The following IGF1R variants were observed in gnomAD, a reference collection of about 807,000 sequenced individuals.
The protein encoded by IGF1R is insulin-like growth factor 1 receptor.
In IGF1R, 44 loss-of-function variants were observed where a neutral mutation model predicts 144.6. The observed-to-expected ratio is 0.30, with a 90% CI of 0.24 to 0.39. The LOEUF is 0.39. Ranked by LOEUF, IGF1R falls within the 10% of genes least tolerant of loss-of-function variation. The pLI, the probability that IGF1R is intolerant of heterozygous loss-of-function variation, is 1.00. For synonymous variants in IGF1R, 795 were observed against 722.8 expected (o/e 1.10, Z -1.60); for missense variants, 1,355 against 1,833.7 (o/e 0.74, Z 4.77).
rs121912428 is a variant in IGF1R at position 98,707,732 on chromosome 15, C to T, written c.265C>T (p.Arg89Ter). 1.9e-6 allele frequency: 3 copies of T among 1,614,112 alleles called. No homozygotes were observed. The highest frequency in any genetic ancestry group is 2.5e-6 in the Non-Finnish European group (3 of 1,180,014). Residue 89 changes from arginine (R) to a stop codon, truncating the protein, a stop_gained, in exon 2 of 21, where the codon CGA becomes TGA. Transcript: ENST00000650285. LOFTEE classifies it high-confidence loss of function. The surrounding 1 kb of genome is among the most constrained non-coding windows in gnomAD (Gnocchi z 6.7). ...CATTACCGAGTACTTGCTGCTGTTC[C>T]GAGTGGCTGGCCTCGAGAGCCTCGG... ...TVITEYLLLF[R>*]VAGLESLGDL...
At chr15:98,821,916 C>T (rs1410220916) in intron 2 of IGF1R, among the ~76,000 whole-genome samples, 6 of 152,210 alleles carry the variant, frequency 3.9e-5, no homozygotes, top group Non-Finnish European at 7.3e-5. Context: ...TTAATTCCCA[C>T]TCCAGGCCAA....
rs572143451 is a variant in IGF1R at position 98,898,570 on chromosome 15, A to G, written c.1103-907A>G. 5.3e-5 allele frequency among the ~76,000 whole-genome samples: 8 copies of G among 152,292 alleles called. No individual in the cohort carries two copies. In the South Asian group the frequency reaches 1.7e-3, roughly 32 times the overall value. ...TCCCTTTAATTTTTCTTGGAAAGCT[A>G]TTAAATTAAATTAGATGTAGGGCTT... On this transcript the variant is annotated intron_variant, in intron 4 of 20. Transcript: ENST00000650285.
intron 2 of IGF1R, among the ~76,000 whole-genome samples, chr15:98,788,667 C>T (rs546847230): frequency 5.9e-5 from 9 of 152,314 alleles, no homozygotes; most frequent in East Asian, 1.9e-4. Context: ...CCCAAGGATG[C>T]GCCCGCCCTG....
intron 1 of IGF1R, among the ~76,000 whole-genome samples, chr15:98,698,131 C>T (rs1196477412): frequency 6.6e-6 from 1 of 150,606 alleles, no homozygotes; most frequent in Non-Finnish European, 1.5e-5. Context: ...CTCTGCCTCC[C>T]AGGTTGAAGT....
At chr15:98,873,013 G>A (rs980302954) in intron 2 of IGF1R, among the ~76,000 whole-genome samples, 3 of 152,248 alleles carry the variant, frequency 2.0e-5, no homozygotes, top group African/African-American at 7.2e-5. Context: ...TTGACACTGT[G>A]TACAGAGGAA....
intron 2 of IGF1R, among the ~76,000 whole-genome samples, chr15:98,853,223 G>A (rs1402366095): frequency 1.3e-5 from 2 of 152,180 alleles, no homozygotes; most frequent in African/African-American, 4.8e-5. Context: ...AAAGAAGGGG[G>A]GCAGTATTGT....
At chr15:98,754,426 A>C (rs1474437938) in intron 2 of IGF1R, among the ~76,000 whole-genome samples, 2 of 152,166 alleles carry the variant, frequency 1.3e-5, no homozygotes. Flanking sequence ...TATTTGAGTG[A>C]GTTGCTGCTT....
intron 2 of IGF1R, among the ~76,000 whole-genome samples, chr15:98,812,260 T>C (rs1188417235): frequency 6.6e-6 from 1 of 152,146 alleles, no homozygotes; most frequent in Non-Finnish European, 1.5e-5. Context: ...AGTCAATGAC[T>C]GGAGGTAGGA....
At chr15:98,821,598 G>A (rs1392263805) in intron 2 of IGF1R, among the ~76,000 whole-genome samples, 3 of 152,186 alleles carry the variant, frequency 2.0e-5, no homozygotes, top group South Asian at 2.1e-4. Context: ...TGCATGTTTC[G>A]AGATCCAGTA....
intron 2 of IGF1R, among the ~76,000 whole-genome samples, chr15:98,830,161 T>C (rs962333999): frequency 7.9e-5 from 12 of 152,340 alleles, no homozygotes; most frequent in African/African-American, 2.6e-4. Context: ...AGAGAAACTT[T>C]CCTGTCTACC....
intron 1 of IGF1R, among the ~76,000 whole-genome samples, chr15:98,688,982 C>T (rs553530739): frequency 1.4e-3 from 211 of 152,232 alleles, no homozygotes; most frequent in Middle Eastern, 0.01. Context: ...TGGTGGGCGA[C>T]GACTTTGGCT....
intron 20 of IGF1R, among the ~76,000 whole-genome samples, chr15:98,956,283 C>T (rs114081179): frequency 1.1e-3 from 161 of 152,368 alleles, no homozygotes; most frequent in African/African-American, 3.6e-3. Context: ...ACAGCACAAG[C>T]GTCATCCTGT....
At position 98,922,217 on chromosome 15, in the gene IGF1R, C is replaced by T; in HGVS notation, c.2271C>T (p.Thr757=). The T allele has an allele frequency of 1.2e-6, 2 of 1,614,172 alleles. No individual in the cohort carries two copies. Among genetic ancestry groups the T allele is most frequent in the Non-Finnish European group, 1.7e-6 (2 of 1,180,026 alleles). Residue 757 remains threonine, a synonymous_variant, in exon 11 of 21, where the codon ACC becomes ACT. Coordinates refer to ENST00000650285, the MANE Select transcript of IGF1R (RefSeq NM_000875.5). ...NTTMSSRSRN[T]TAADTYNITD... ...CCATGTCCAGCCGAAGCAGGAACAC[C>T]ACGGCCGCAGACACCTACAACATCA...
chr15:98,802,423 A>T (rs1360932257), intron 2 of IGF1R, among the ~76,000 whole-genome samples: 1 of 152,186 alleles, frequency 6.6e-6, no homozygotes, highest in South Asian at 2.1e-4. Context: ...TGCTAGCCCT[A>T]GTTTTACAGC....
intron 2 of IGF1R, among the ~76,000 whole-genome samples, chr15:98,853,821 G>T (rs576099593): frequency 6.6e-6 from 1 of 152,224 alleles, no homozygotes; most frequent in African/African-American, 2.4e-5. Flanking sequence ...GCGGGGAGTG[G>T]AGGAGGAGGG....
chr15:98,705,980 A>G (rs2053851985), intron 1 of IGF1R, among the ~76,000 whole-genome samples: 1 of 152,164 alleles, frequency 6.6e-6, no homozygotes, highest in African/African-American at 2.4e-5. Context: ...GGCCTGTGGG[A>G]TATTTACCGA....
intron 2 of IGF1R, among the ~76,000 whole-genome samples, chr15:98,872,222 G>A (rs2012820717): frequency 6.6e-6 from 1 of 152,336 alleles, no homozygotes; most frequent in African/African-American, 2.4e-5. Context: ...TTTCATTTGA[G>A]CAGAGGTGAA....
intron 2 of IGF1R, among the ~76,000 whole-genome samples, chr15:98,840,740 A>G (rs1311095330): frequency 1.3e-5 from 2 of 149,414 alleles, no homozygotes; most frequent in Non-Finnish European, 3.0e-5. Context: ...CAGTGGTGCA[A>G]TCTCAGCTCA....
chr15:98,893,667 C>T (rs1195535361), intron 3 of IGF1R: 1 of 152,166 alleles, frequency 6.6e-6, no homozygotes, highest in Non-Finnish European at 1.5e-5. Flanking sequence ...TTCTTAATGA[C>T]ATTTGGAGGC....
Sources: gnomAD v4.1 joint callset for allele counts (sites outside exome capture counted in the v4.1 genomes callset) on GRCh38, gnomAD v4.1.1 for gene constraint, Gnocchi (gnomAD v3.1) non-coding constraint, MANE v1.5 for transcripts, NCBI Gene and HGNC (gene_info 2026-07-23, HGNC 2026-07-21) for gene names.